The following ST3GAL3 variants were observed in gnomAD, a reference collection of about 807,000 sequenced individuals.
ST3GAL3 encodes the protein ST3 beta-galactoside alpha-2,3-sialyltransferase 3.
Under a neutral mutation model 50.1 loss-of-function variants are expected in ST3GAL3, and 21 were observed. The ratio of observed to expected loss-of-function variants is 0.42; its 90% CI spans 0.30 to 0.60. ST3GAL3 has a LOEUF of 0.60. ST3GAL3 is among the 20% of genes least tolerant of loss of function. The pLI is 0.19. For synonymous variants in ST3GAL3, 183 were observed against 190.0 expected (o/e 0.96, Z 0.30); for missense variants, 353 against 489.4 (o/e 0.72, Z 2.63).
intron 2 of ST3GAL3, among the ~76,000 whole-genome samples, chr1:43,776,377 A>G (rs1203131475): frequency 6.6e-6 from 1 of 152,194 alleles, no homozygotes; most frequent in Non-Finnish European, 1.5e-5. Context: ...AGGTTTGCCC[A>G]TATTATAACA....
In ST3GAL3 at chr1:43,752,794, A is replaced by G. The variant is rs1400374204; in HGVS notation, c.118+16414A>G. Among the ~76,000 whole-genome samples, 6 of 152,326 alleles carry G rather than the reference A, an allele frequency of 3.9e-5. No homozygotes were observed. In the South Asian group the frequency reaches 6.2e-4, roughly 16 times the overall value. ...CTGGCATGAGCCACCACGTCCAGTC[A>G]ACAAGTTTTCTTGACTATAGCAAAC... On this transcript the variant is annotated intron_variant, in intron 2 of 11. Transcript: ENST00000347631.
At chr1:43,853,929 G>A (rs1303966357) in intron 5 of ST3GAL3, among the ~76,000 whole-genome samples, 1 of 152,128 alleles carries the variant, frequency 6.6e-6, no homozygotes, top group East Asian at 1.9e-4. Flanking sequence ...ACTGCCCTGG[G>A]GACTTTAAAA....
At chr1:43,859,709 TC>T (rs2069422574) in intron 5 of ST3GAL3, among the ~76,000 whole-genome samples, 1 of 152,228 alleles carries the variant, frequency 6.6e-6, no homozygotes, top group Admixed American at 6.5e-5. Flanking sequence ...ATGGAGCAAG[TC>T]CTCCAAATGG....
chr1:43,920,976 G>A (rs1292157321), intron 11 of ST3GAL3, 48 bp downstream of exon 11: 4 of 1,557,636 alleles, frequency 2.6e-6, no homozygotes, highest in Admixed American at 1.9e-5. Context: ...ATGAGGGGGA[G>A]GTGCATAAAT....
intron 3 of ST3GAL3, among the ~76,000 whole-genome samples, chr1:43,810,442 T>C (rs142014919): frequency 1.3e-5 from 2 of 152,108 alleles, no homozygotes; most frequent in Non-Finnish European, 2.9e-5. Flanking sequence ...ATGAGAAGGG[T>C]TTGACAGAGG....
chr1:43,774,074 C>CA (rs1296780282), intron 2 of ST3GAL3, among the ~76,000 whole-genome samples: 2 of 146,112 alleles, frequency 1.4e-5, no homozygotes, highest in African/African-American at 4.9e-5. Context: ...TTATAAGAGG[C>CA]AAAAAAGACA....
At chr1:43,864,253 G>A (rs2070759756) in intron 5 of ST3GAL3, among the ~76,000 whole-genome samples, 1 of 152,168 alleles carries the variant, frequency 6.6e-6, no homozygotes, top group Non-Finnish European at 1.5e-5. Flanking sequence ...ACTCCAGCCT[G>A]GGCAACAAGA....
At chr1:43,785,786 A>C (rs950595533) in intron 2 of ST3GAL3, among the ~76,000 whole-genome samples, 2 of 152,046 alleles carry the variant, frequency 1.3e-5, no homozygotes, top group African/African-American at 4.8e-5. Context: ...GAGAGACCCT[A>C]TCTGCCTCTA....
intron 11 of ST3GAL3, among the ~76,000 whole-genome samples, chr1:43,921,129 C>T (rs532369959): frequency 6.6e-6 from 1 of 152,252 alleles, no homozygotes; most frequent in South Asian, 2.1e-4. Context: ...CCAAGGGACT[C>T]TCCGTGCCCT....
At chr1:43,890,950 A>G (rs570205829) in intron 5 of ST3GAL3, among the ~76,000 whole-genome samples, 7 of 152,304 alleles carry the variant, frequency 4.6e-5, no homozygotes, top group Admixed American at 2.0e-4. Flanking sequence ...CTACAGGACA[A>G]ATAGCCTGTA....
intron 9 of ST3GAL3, among the ~76,000 whole-genome samples, chr1:43,904,881 TCCCGCCACTCTTCCTC>T (rs1171304482): frequency 4.2e-5 from 6 of 143,606 alleles, no homozygotes; most frequent in African/African-American, 7.8e-5. Context: ...CTGCTCCTCT[TCCCGCCACTCTTCCTC>T]CCCCTCCTCC....
At chr1:43,731,052 A>G (rs1460653858) in intron 1 of ST3GAL3, among the ~76,000 whole-genome samples, 1 of 150,556 alleles carries the variant, frequency 6.6e-6, no homozygotes, top group African/African-American at 2.4e-5. Flanking sequence ...TTTTTCTTTG[A>G]GATGGCATCT....
At chr1:43,858,202 C>T in intron 5 of ST3GAL3, 1 of 1,289,368 alleles carries the variant, frequency 7.8e-7, no homozygotes, top group Non-Finnish European at 1.0e-6. Context: ...GAGGTGAAGA[C>T]AGAGGATTGT....
At chr1:43,881,823 A>G (rs1465194479) in intron 5 of ST3GAL3, among the ~76,000 whole-genome samples, 1 of 152,140 alleles carries the variant, frequency 6.6e-6, no homozygotes. Flanking sequence ...TGGAAACATC[A>G]CTGGAAGCCT....
chr1:43,730,571 CTTT>C (rs11318191), intron 1 of ST3GAL3, among the ~76,000 whole-genome samples: 2 of 122,380 alleles, frequency 1.6e-5, no homozygotes, highest in Non-Finnish European at 1.7e-5. Context: ...TCTTTTCTTT[CTTT>C]TTTTTTTTTT....
chr1:43,899,537 G>A lies in ST3GAL3; in HGVS notation c.558-4G>A, dbSNP rs769913024. On this transcript the variant is annotated splice_region_variant and splice_polypyrimidine_tract_variant and intron_variant, in intron 8 of 11. Coordinates refer to ENST00000347631, the MANE Select transcript of ST3GAL3 (RefSeq NM_006279.5). The surrounding 1 kb of genome is among the most constrained non-coding windows in gnomAD (Gnocchi z 5.4). The stretch of plus-strand genomic sequence containing the variant: ...CAGGCTCTGAGTGGGCCTGCTCTCT[G>A]TAGACTGAATTCAGCACCAGTGAAA... 1.1e-5 allele frequency: 17 copies of A among 1,612,168 alleles called. No individual in the cohort carries two copies. Among genetic ancestry groups the A allele is most frequent in the Non-Finnish European group, 1.4e-5 (16 of 1,180,018 alleles).
chr1:43,925,296 C>CAAAAAAAAAAAAAA (rs57654790), intron 11 of ST3GAL3, among the ~76,000 whole-genome samples: 6 of 90,240 alleles, frequency 6.6e-5, no homozygotes, highest in Admixed American at 3.0e-4. Context: ...GACTGTGTCT[C>CAAAAAAAAAAAAAA]AAAAAAAAAA....
chr1:43,754,782 TC>T (rs1454048978), intron 2 of ST3GAL3, among the ~76,000 whole-genome samples: 1 of 152,076 alleles, frequency 6.6e-6, no homozygotes, highest in Admixed American at 6.6e-5. Context: ...AGATCCCACC[TC>T]TACACAAAAT....
At chr1:43,846,908 G>A (rs1176014493) in intron 5 of ST3GAL3, among the ~76,000 whole-genome samples, 1 of 152,190 alleles carries the variant, frequency 6.6e-6, no homozygotes, top group East Asian at 1.9e-4. Context: ...TCTGATAAGA[G>A]GTTAATGTTG....
Sources: gnomAD v4.1 joint callset for allele counts (sites outside exome capture counted in the v4.1 genomes callset) on GRCh38, gnomAD v4.1.1 for gene constraint, Gnocchi (gnomAD v3.1) non-coding constraint, MANE v1.5 for transcripts, NCBI Gene and HGNC (gene_info 2026-07-23, HGNC 2026-07-21) for gene names.